GUCY2F: variants seen among roughly 807,000 people sequenced by gnomAD.
The protein encoded by GUCY2F is guanylate cyclase 2F, retinal.
Under a neutral mutation model 73.1 loss-of-function variants are expected in GUCY2F, and 61 were observed. That is an observed-to-expected ratio of 0.83 (90% confidence interval 0.68 to 1.03). The LOEUF (loss-of-function observed/expected upper bound fraction) is 1.03, where lower values mean the gene tolerates loss of function less well. Ranked by LOEUF, GUCY2F falls within the 50% of genes least tolerant of loss-of-function variation. The pLI, the probability that GUCY2F is intolerant of heterozygous loss-of-function variation, is 0.00. For missense variants in GUCY2F, 912 were observed against 854.3 expected, an observed-to-expected ratio of 1.07 and a Z score of -0.84; for synonymous variants, 331 against 307.8, an observed-to-expected ratio of 1.08 and a Z score of -0.79.
chrX:109,398,779 C>T, intron 10 of GUCY2F, 81 bp from the exon 11 acceptor site: 1 of 898,293 alleles, frequency 1.1e-6, no homozygotes, highest in South Asian at 2.5e-5. Flanking sequence ...TCAGAGGGTA[C>T]TGTTTTATTG....
At chrX:109,454,746 C>T (rs189556854) in intron 3 of GUCY2F, among the ~76,000 whole-genome samples, 1 of 111,307 alleles carries the variant, frequency 9.0e-6, no homozygotes, top group East Asian at 2.8e-4. Flanking sequence ...GATGAGCAAA[C>T]AATTCCTCCC....
At chrX:109,430,221 G>T in intron 8 of GUCY2F, 86 bp downstream of exon 8, 2 of 584,467 alleles carry the variant, frequency 3.4e-6, no homozygotes, top group Non-Finnish European at 2.9e-6. Context: ...TTTGTTAAGG[G>T]GTCTTCCTAA....
chrX:109,382,057 G>T, intron 17 of GUCY2F, 61 bp downstream of exon 17: 1 of 611,933 alleles, frequency 1.6e-6, no homozygotes. Context: ...AGCAGACCAT[G>T]ACCTCTCCAG....
intron 3 of GUCY2F, among the ~76,000 whole-genome samples, chrX:109,456,835 C>T (rs1932269685): frequency 9.0e-6 from 1 of 111,653 alleles, no homozygotes; most frequent in Admixed American, 9.5e-5. Flanking sequence ...ATTGCCTCTT[C>T]CCAAACATCA....
rs773258991 is a variant in GUCY2F at position 109,481,042 on chromosome X, AGAAGGAAGGAAGGAAGGAAG to A, written c.-86+804_-86+823del. 1.1e-3 allele frequency among the ~76,000 whole-genome samples: 44 copies of A among 40,195 alleles called. 1 individual carries two copies. The highest frequency in any genetic ancestry group is 3.7e-3 in the South Asian group (2 of 541). 34.9% of individuals were successfully genotyped at this position (40,195 alleles called of 115,157 possible). A position where few individuals can be genotyped will look rare whatever the true frequency, so the allele number is the denominator to read the frequency against. On this transcript the variant is annotated intron_variant, in intron 1 of 19. Coordinates refer to ENST00000218006, the MANE Select transcript of GUCY2F (RefSeq NM_001522.3). ...GGGGAGGGAGGAATGAAGGGAGAGA[AGAAGGAAGGAAGGAAGGAAG>A]GAAGGAAGGAAGGAAGGAAGGAAGG...
Position 109,378,567 on chromosome X carries a change from C to T in GUCY2F, c.3151-2400G>A, listed in dbSNP as rs1488226150. Among the ~76,000 whole-genome samples, 20 of 111,522 alleles carry T rather than the reference C, an allele frequency of 1.8e-4. No homozygotes were observed. The Admixed American group carries it at 1.9e-3, about 11-fold the overall frequency. ...AACTTTCTGACCTTCATGGATCTGT[C>T]AGTACAATCTCACTATTTCTTAATT... On this transcript the variant is annotated intron_variant, in intron 17 of 19. Transcript: ENST00000218006.
At chrX:109,403,948 C>T (rs1301890526) in intron 10 of GUCY2F, among the ~76,000 whole-genome samples, 2 of 112,188 alleles carry the variant, frequency 1.8e-5, no homozygotes, top group South Asian at 3.7e-4. Context: ...GCTCTAGTGA[C>T]GTCCCATTCT....
At chrX:109,462,177 G>A (rs912671732) in intron 3 of GUCY2F, among the ~76,000 whole-genome samples, 2 of 112,637 alleles carry the variant, frequency 1.8e-5, no homozygotes, top group Non-Finnish European at 3.8e-5. Flanking sequence ...ATGTTACTTT[G>A]TTTAATTTTC....
chrX:109,476,922 T>C (rs1054891678), intron 1 of GUCY2F, among the ~76,000 whole-genome samples: 3 of 110,874 alleles, frequency 2.7e-5, no homozygotes, highest in African/African-American at 9.9e-5. Flanking sequence ...TGCTTGAGTC[T>C]GTGATGTCAG....
Position 109,395,335 on chromosome X carries a change from C to A in GUCY2F, c.2424+6G>T. 1.7e-6 allele frequency: 2 copies of A among 1,203,223 alleles called. No individual in the cohort carries two copies. The highest frequency in any genetic ancestry group is 2.3e-6 in the Non-Finnish European group (2 of 888,197). On this transcript the variant is annotated splice_donor_region_variant and intron_variant, in intron 12 of 19. Transcript: ENST00000218006. ...CCTGGGCAATGATAAGATTCAGAGTCCTTACCTGGTTAAATATTTCATCAA... is the reference window on the plus strand; with the variant it reads ...CCTGGGCAATGATAAGATTCAGAGTACTTACCTGGTTAAATATTTCATCAA...
Position 109,475,663 on chromosome X carries a change from T to C in GUCY2F, c.274A>G (p.Ser92Gly). The C allele has an allele frequency of 8.3e-7, 1 of 1,210,601 alleles. No homozygotes were observed. The highest frequency in any genetic ancestry group is 3.0e-5 in the East Asian group (1 of 33,815). ...AGAATCACGTATTCAAAAGAATAAC[T>C]CAGGTCAAAAGATGGGTCCCGGTTG... ...RINRDPSFDL[S>G]YSFEYVILNE... is the part of the protein sequence containing the mutation. Residue 92 changes from serine to glycine, a missense_variant, in exon 2 of 20, where the codon AGT (serine) becomes GGT (glycine). Coordinates refer to ENST00000218006, the MANE Select transcript of GUCY2F (RefSeq NM_001522.3).
chrX:109,481,612 T>TA (rs1457519666), intron 1 of GUCY2F, among the ~76,000 whole-genome samples: 2 of 111,308 alleles, frequency 1.8e-5, no homozygotes, highest in Non-Finnish European at 3.8e-5. Context: ...CAGGAAGCAA[T>TA]AAAAAAAGAA....
At chrX:109,429,979 T>A (rs753667117) in intron 8 of GUCY2F, among the ~76,000 whole-genome samples, 1 of 112,630 alleles carries the variant, frequency 8.9e-6, no homozygotes, top group East Asian at 2.8e-4. Context: ...ACGTGTATTG[T>A]CTCTTAAAAT....
intron 3 of GUCY2F, among the ~76,000 whole-genome samples, chrX:109,462,730 CAT>C (rs1470443578): frequency 1.8e-5 from 2 of 111,871 alleles, no homozygotes; most frequent in African/African-American, 3.3e-5. Context: ...CACACACACA[CAT>C]ACACCCTCTC....
At chrX:109,424,607 T>G (rs1450476243) in intron 8 of GUCY2F, among the ~76,000 whole-genome samples, 2 of 111,266 alleles carry the variant, frequency 1.8e-5, no homozygotes, top group Non-Finnish European at 3.8e-5. Flanking sequence ...TTCATGATTA[T>G]AATCAGTGAG....
At chrX:109,419,453 A>C (rs756979361) in intron 8 of GUCY2F, among the ~76,000 whole-genome samples, 38 of 111,145 alleles carry the variant, frequency 3.4e-4, no homozygotes, top group South Asian at 1.1e-3. Context: ...AAAACCACTG[A>C]ATAATTGCAA....
chrX:109,433,078 G>A (rs1931651531), intron 7 of GUCY2F, among the ~76,000 whole-genome samples: 1 of 111,978 alleles, frequency 8.9e-6, no homozygotes, highest in South Asian at 3.7e-4. Flanking sequence ...GCATAAATTG[G>A]CATATGTTAC....
At chrX:109,456,020 A>G (rs1932252118) in intron 3 of GUCY2F, among the ~76,000 whole-genome samples, 1 of 112,155 alleles carries the variant, frequency 8.9e-6, no homozygotes, top group Admixed American at 9.4e-5. Flanking sequence ...CTACTAGCAG[A>G]GCAGAAATCA....
chrX:109,425,821 T>C (rs1228146517), intron 8 of GUCY2F, among the ~76,000 whole-genome samples: 1 of 110,976 alleles, frequency 9.0e-6, no homozygotes, highest in Non-Finnish European at 1.9e-5. Context: ...TTTTAAGAAA[T>C]TAAGTCTATG....
Sources: gnomAD v4.1 joint callset for allele counts (sites outside exome capture counted in the v4.1 genomes callset) on GRCh38, gnomAD v4.1.1 for gene constraint, MANE v1.5 for transcripts, NCBI Gene and HGNC (gene_info 2026-07-23, HGNC 2026-07-21) for gene names.